The following PLCXD3 variants were observed in gnomAD, a reference collection of about 807,000 sequenced individuals.
The protein encoded by PLCXD3 is phosphatidylinositol specific phospholipase C X domain containing 3.
PLCXD3 carries 19 observed loss-of-function variants against 25.5 expected under a neutral mutation model. The observed-to-expected ratio is 0.75, with a 90% CI of 0.52 to 1.09. The LOEUF (loss-of-function observed/expected upper bound fraction) is 1.09. PLCXD3 is among the 50% of genes least tolerant of loss of function. The pLI, the probability that PLCXD3 is intolerant of heterozygous loss-of-function variation, is 0.00. For synonymous variants in PLCXD3, 174 were observed against 137.6 expected (o/e 1.26, Z -1.85); for missense variants, 411 against 388.1 (o/e 1.06, Z -0.50).
chr5:41,423,027 G>A (rs1217268377), intron 1 of PLCXD3, among the ~76,000 whole-genome samples: 2 of 151,874 alleles, frequency 1.3e-5, no homozygotes, highest in African/African-American at 4.8e-5. Context: ...ATTATGAATG[G>A]GTGTTGAATA....
chr5:41,320,169 T>C (rs1257866965), intron 2 of PLCXD3, among the ~76,000 whole-genome samples: 1 of 151,920 alleles, frequency 6.6e-6, no homozygotes. Flanking sequence ...GCCTAATAAT[T>C]CTACCAAACA....
chr5:41,499,325 A>C (rs1378716165), intron 1 of PLCXD3, among the ~76,000 whole-genome samples: 7 of 151,750 alleles, frequency 4.6e-5, no homozygotes, highest in Non-Finnish European at 1.0e-4. Context: ...TCAACATTAA[A>C]AATCAGTTGT....
chr5:41,369,046 G>A (rs542040102), intron 2 of PLCXD3, among the ~76,000 whole-genome samples: 3 of 152,310 alleles, frequency 2.0e-5, no homozygotes, highest in African/African-American at 7.2e-5. Context: ...CATGAGTGAT[G>A]TGTTGAAGTA....
chr5:41,376,093 G>A (rs1745287631), intron 2 of PLCXD3, among the ~76,000 whole-genome samples: 1 of 152,076 alleles, frequency 6.6e-6, no homozygotes, highest in Non-Finnish European at 1.5e-5. Context: ...GGTAATATTA[G>A]TGTATACTCA....
chr5:41,383,428 G>C (rs1745540229), intron 1 of PLCXD3, among the ~76,000 whole-genome samples: 1 of 152,022 alleles, frequency 6.6e-6, no homozygotes, highest in Admixed American at 6.6e-5. Flanking sequence ...TGTGTGATTT[G>C]TCACAAATAG....
Position 41,382,084 on chromosome 5 carries a change from C to T in PLCXD3, c.554G>A (p.Trp185Ter). 1 of 1,613,684 alleles carries T rather than the reference C, an allele frequency of 6.2e-7. No individual in the cohort carries two copies. The highest frequency in any genetic ancestry group is 8.5e-7 in the Non-Finnish European group (1 of 1,179,776). Residue 185 changes from tryptophan (W) to a stop codon, truncating the protein, a stop_gained, in exon 2 of 3, where the codon TGG becomes TAG. Coordinates refer to ENST00000377801, the MANE Select transcript of PLCXD3 (RefSeq NM_001005473.3). LOFTEE classifies it high-confidence loss of function. ...GACCAGCACTTGATAGTCCTTCTCC[C>T]ACAGGTACTTTAAACTAACTTCCTG... is the stretch of plus-strand genomic sequence containing the variant. ...FAQEVSLKYL[W>*]EKDYQVLVFY...
chr5:41,425,292 T>C (rs746133187), intron 1 of PLCXD3, among the ~76,000 whole-genome samples: 12 of 152,138 alleles, frequency 7.9e-5, no homozygotes, highest in Non-Finnish European at 8.8e-5. Context: ...TGAATCTGTC[T>C]CTTGTCTTTT....
At chr5:41,464,914 T>C (rs1309585161) in intron 1 of PLCXD3, among the ~76,000 whole-genome samples, 1 of 152,016 alleles carries the variant, frequency 6.6e-6, no homozygotes, top group East Asian at 1.9e-4. Flanking sequence ...TTCTATTCAA[T>C]GTATATTATG....
chr5:41,406,777 C>T (rs1403028450), intron 1 of PLCXD3, among the ~76,000 whole-genome samples: 1 of 152,150 alleles, frequency 6.6e-6, no homozygotes, highest in Non-Finnish European at 1.5e-5. Flanking sequence ...CCTCTATGGT[C>T]ATTACCCTGC....
chr5:41,490,271 C>T (rs995778598), intron 1 of PLCXD3, among the ~76,000 whole-genome samples: 1 of 152,180 alleles, frequency 6.6e-6, no homozygotes, highest in African/African-American at 2.4e-5. Flanking sequence ...AGCCTTGCAT[C>T]CCAGGGATGA....
intron 1 of PLCXD3, among the ~76,000 whole-genome samples, chr5:41,421,698 C>T (rs1254600797): frequency 6.6e-6 from 1 of 152,026 alleles, no homozygotes; most frequent in Non-Finnish European, 1.5e-5. Flanking sequence ...GAGACTCCTT[C>T]TCAAAAAAAC....
intron 1 of PLCXD3, among the ~76,000 whole-genome samples, chr5:41,412,467 T>C (rs145943477): frequency 6.6e-6 from 1 of 152,304 alleles, no homozygotes; most frequent in Non-Finnish European, 1.5e-5. Context: ...TTTCTTTACC[T>C]TTACTTCATT....
chr5:41,374,349 T>A (rs1745218323), intron 2 of PLCXD3, among the ~76,000 whole-genome samples: 2 of 152,136 alleles, frequency 1.3e-5, no homozygotes, highest in African/African-American at 4.8e-5. Context: ...TGGGAAAGGG[T>A]TGCTTTCTGG....
intron 1 of PLCXD3, among the ~76,000 whole-genome samples, chr5:41,450,797 T>G (rs1016862226): frequency 6.6e-6 from 1 of 152,024 alleles, no homozygotes; most frequent in African/African-American, 2.4e-5. Flanking sequence ...ACAACCCCAT[T>G]CTCTCCTCTA....
At chr5:41,445,982 T>C (rs1395726410) in intron 1 of PLCXD3, among the ~76,000 whole-genome samples, 1 of 151,476 alleles carries the variant, frequency 6.6e-6, no homozygotes, top group African/African-American at 2.4e-5. Context: ...GGTCAGGGGA[T>C]CGAGACTATC....
rs187379124 is a variant in PLCXD3 at position 41,309,330 on chromosome 5, G to T, written c.*4287C>A. ...ATTATTTAAAACTGTATGTAACACA[G>T]GAGCCACCAATAAGTTATGGCAGAT... On this transcript the variant is annotated 3_prime_UTR_variant, in exon 3 of 3. Transcript: ENST00000377801. The T allele has an allele frequency of 2.4e-3, 369 of 152,616 alleles. 3 individuals carry two copies. Among genetic ancestry groups the T allele is most frequent in the African/African-American group, 7.9e-3 (329 of 41,550 alleles). The allele number at this position is 152,616 out of a possible 1,614,324, so 9.5% of individuals were successfully genotyped here.
At chr5:41,475,529 T>G (rs902056511) in intron 1 of PLCXD3, 23 of 492,908 alleles carry the variant, frequency 4.7e-5, no homozygotes, top group Admixed American at 4.5e-5. Context: ...TGTCTCTATC[T>G]CTATTTATCT....
Position 41,313,556 on chromosome 5 carries a change from T to C in PLCXD3, c.*61A>G. 1 of 1,589,798 alleles carries C rather than the reference T, an allele frequency of 6.3e-7. No homozygotes were observed. Among genetic ancestry groups the C allele is most frequent in the Non-Finnish European group, 8.6e-7 (1 of 1,158,998 alleles). ...ATAGGAAGATCAGAGTGTTTACAGA[T>C]AGTATGCCCTAATACAATGAGCTTT... On this transcript the variant is annotated 3_prime_UTR_variant, in exon 3 of 3. Coordinates refer to ENST00000377801, the MANE Select transcript of PLCXD3 (RefSeq NM_001005473.3).
intron 2 of PLCXD3, among the ~76,000 whole-genome samples, chr5:41,319,953 G>T (rs1743415006): frequency 6.6e-6 from 1 of 152,032 alleles, no homozygotes; most frequent in Admixed American, 6.5e-5. Context: ...AAATTCAAAA[G>T]TTCATTAGTG....
Sources: allele counts gnomAD v4.1 joint callset (sites outside exome capture counted in the v4.1 genomes callset), GRCh38; gene constraint gnomAD v4.1.1; transcripts MANE v1.5; gene names NCBI Gene and HGNC (gene_info 2026-07-23, HGNC 2026-07-21).